The following TAB3 variants were observed in gnomAD, a reference collection of about 807,000 sequenced individuals.
TAB3 encodes TGF-beta activated kinase 1 (MAP3K7) binding protein 3.
Under a neutral mutation model 48.1 loss-of-function variants are expected in TAB3, and 18 were observed. The ratio of observed to expected loss-of-function variants is 0.37; its 90% CI spans 0.26 to 0.55. The LOEUF (loss-of-function observed/expected upper bound fraction) is 0.55, where lower values mean the gene tolerates loss of function less well. TAB3 is among the 20% of genes least tolerant of loss of function. The pLI is 0.78. For missense variants in TAB3, 414 were observed against 549.8 expected (o/e 0.75, Z 2.47); for synonymous variants, 185 against 190.2 (o/e 0.97, Z 0.22).
At chrX:30,843,395 T>C (rs909827747) in intron 8 of TAB3, 1 of 124,708 alleles carries the variant, frequency 8.0e-6, no homozygotes, top group Non-Finnish European at 1.6e-5. Context: ...GTTTTCTCTT[T>C]CTGCTTGTTT....
chrX:30,874,488 C>T (rs1396995224), intron 1 of TAB3, among the ~76,000 whole-genome samples: 1 of 111,962 alleles, frequency 8.9e-6, no homozygotes, highest in African/African-American at 3.3e-5. Context: ...TTGGACCTTT[C>T]ATTTGTGTAC....
At chrX:30,862,037 T>C (rs1238067642) in intron 4 of TAB3, among the ~76,000 whole-genome samples, 1 of 111,867 alleles carries the variant, frequency 8.9e-6, no homozygotes, top group African/African-American at 3.3e-5. Context: ...ATTTAAATAA[T>C]AGGCGACTAC....
Position 30,869,869 on chromosome X carries a change from T to A in TAB3, c.-280+1830A>T, listed in dbSNP as rs182552510. 5.4e-4 allele frequency among the ~76,000 whole-genome samples: 61 copies of A among 112,318 alleles called. 1 individual carries two copies. Among genetic ancestry groups the A allele is most frequent in the African/African-American group, 1.9e-3 (58 of 30,982 alleles). On this transcript the variant is annotated intron_variant, in intron 2 of 10. Transcript: ENST00000288422. ...ACTATAAGGGGAAAAGAAAAAGAAATAACAGAAAATATCGAAGTGTTTCAC... is the reference window on the plus strand; with the variant it reads ...ACTATAAGGGGAAAAGAAAAAGAAAAAACAGAAAATATCGAAGTGTTTCAC...
At chrX:30,862,239 G>C (rs1229657122) in intron 4 of TAB3, among the ~76,000 whole-genome samples, 1 of 112,011 alleles carries the variant, frequency 8.9e-6, no homozygotes, top group Non-Finnish European at 1.9e-5. Context: ...AGAAATAACA[G>C]TTTTCCTAAC....
At chrX:30,864,716 T>C (rs73617006) in intron 4 of TAB3, among the ~76,000 whole-genome samples, 1,550 of 111,967 alleles carry the variant, frequency 0.014, 28 homozygotes, top group African/African-American at 0.048. Flanking sequence ...GAAACAGTTA[T>C]ATCAGAGGTT....
chrX:30,838,333 T>A (rs1487623563), intron 9 of TAB3, among the ~76,000 whole-genome samples: 5 of 111,532 alleles, frequency 4.5e-5, no homozygotes, highest in Non-Finnish European at 9.4e-5. Flanking sequence ...ATTTTTAAAT[T>A]TTTTTTTGTA....
chrX:30,842,001 G>A lies in TAB3; in HGVS notation c.1888+965C>T, dbSNP rs756376217. Among the ~76,000 whole-genome samples, 763 of 112,166 alleles carry A rather than the reference G, an allele frequency of 6.8e-3. 3 individuals carry two copies. Among genetic ancestry groups the A allele is most frequent in the Non-Finnish European group, 0.011 (579 of 53,210 alleles). ...TTTTTGTATTTTTAGTAGAGACGGG[G>A]TTTTGCCATGTTGGCCAGGCTAGTC... is the stretch of plus-strand genomic sequence containing the variant. On this transcript the variant is annotated intron_variant, in intron 9 of 10. Coordinates refer to ENST00000288422, the MANE Select transcript of TAB3 (RefSeq NM_152787.5).
At chrX:30,841,965 G>C (rs1938460606) in intron 9 of TAB3, among the ~76,000 whole-genome samples, 1 of 111,876 alleles carries the variant, frequency 8.9e-6, no homozygotes, top group Non-Finnish European at 1.9e-5. Context: ...CGCGCCATCA[G>C]GCCTGGCTAA....
At chrX:30,878,142 T>C (rs746029224) in intron 1 of TAB3, among the ~76,000 whole-genome samples, 5 of 111,536 alleles carry the variant, frequency 4.5e-5, no homozygotes, top group African/African-American at 6.5e-5. Context: ...AAAGCAAAGG[T>C]TGACAAAACT....
intron 1 of TAB3, among the ~76,000 whole-genome samples, chrX:30,884,411 A>G: frequency 9.0e-6 from 1 of 111,524 alleles, no homozygotes. Flanking sequence ...AACAGGTCAG[A>G]GATTAAGTAA....
chrX:30,883,633 G>A (rs769778363), intron 1 of TAB3, among the ~76,000 whole-genome samples: 1 of 111,899 alleles, frequency 8.9e-6, no homozygotes, highest in African/African-American at 3.3e-5. Flanking sequence ...AAGGCTTGAC[G>A]GTCCTTGCTA....
At chrX:30,873,260 G>A (rs955826283) in intron 1 of TAB3, among the ~76,000 whole-genome samples, 61 of 111,568 alleles carry the variant, frequency 5.5e-4, no homozygotes, top group South Asian at 1.9e-3. Flanking sequence ...AGTTACGGCC[G>A]GGCGCGGTGG....
At chrX:30,833,001 T>C (rs1445822654) in intron 10 of TAB3, among the ~76,000 whole-genome samples, 1 of 106,669 alleles carries the variant, frequency 9.4e-6, no homozygotes, top group Non-Finnish European at 1.9e-5. Flanking sequence ...GACGGAGTCT[T>C]GCTCTGTTGC....
At chrX:30,834,008 T>C in intron 10 of TAB3, 43 bp downstream of exon 10, 1 of 1,103,864 alleles carries the variant, frequency 9.1e-7, no homozygotes, top group Non-Finnish European at 1.3e-6. Context: ...TTAACATGTG[T>C]CTTTGGACAT....
chrX:30,888,708 C>T (rs927892810), intron 1 of TAB3, among the ~76,000 whole-genome samples: 1 of 113,007 alleles, frequency 8.8e-6, no homozygotes, highest in African/African-American at 3.2e-5. Context: ...CTCAACGGCC[C>T]CCACGCTGGT....
chrX:30,847,895 C>T lies in TAB3; in HGVS notation c.1711-1251G>A, dbSNP rs191207993. 8.2e-4 allele frequency among the ~76,000 whole-genome samples: 92 copies of T among 112,003 alleles called. No individual in the cohort carries two copies. The Middle Eastern group carries it at 0.018, about 22-fold the overall frequency. On this transcript the variant is annotated intron_variant, in intron 7 of 10. Transcript: ENST00000288422. Reference sequence around the variant, plus strand: ...AGAATGCTAGAGGAACAAAAAAAGTCGTTTAGAAATATTTATTATGGACTG... The same window carrying T: ...AGAATGCTAGAGGAACAAAAAAAGTTGTTTAGAAATATTTATTATGGACTG...
chrX:30,884,673 T>C (rs1418317262), intron 1 of TAB3, among the ~76,000 whole-genome samples: 1 of 111,790 alleles, frequency 8.9e-6, no homozygotes, highest in Admixed American at 9.4e-5. Flanking sequence ...AACACATTTA[T>C]GGAAAACAAA....
chrX:30,843,860 A>T (rs1938535442), intron 8 of TAB3: 1 of 111,505 alleles, frequency 9.0e-6, no homozygotes, highest in African/African-American at 3.3e-5. Flanking sequence ...TGAACCTATC[A>T]CTGTGCTCTG....
intron 4 of TAB3, among the ~76,000 whole-genome samples, chrX:30,864,779 C>T (rs1449588193): frequency 1.9e-5 from 2 of 106,960 alleles, no homozygotes; most frequent in South Asian, 7.9e-4. Context: ...CCTGGTTTGG[C>T]CATCACAGTG....
Sources: allele counts gnomAD v4.1 joint callset (sites outside exome capture counted in the v4.1 genomes callset), GRCh38; gene constraint gnomAD v4.1.1; transcripts MANE v1.5; gene names NCBI Gene and HGNC (gene_info 2026-07-23, HGNC 2026-07-21).